The following SULT6B1 variants were observed in gnomAD, a reference collection of about 807,000 sequenced individuals.
SULT6B1 encodes sulfotransferase 6B1.
SULT6B1 carries 44 observed loss-of-function variants against 37.2 expected under a neutral mutation model. The observed-to-expected ratio is 1.18, with a 90% CI of 0.93 to 1.52. The LOEUF is 1.52. SULT6B1 is among the 40% of genes most tolerant of loss of function. The probability of loss-of-function intolerance (pLI) is 0.00; values close to 1 mark genes in which losing one functional copy is unlikely to be tolerated. For synonymous variants in SULT6B1, 140 were observed against 126.0 expected (o/e 1.11, Z -0.74); for missense variants, 450 against 361.0 (o/e 1.25, Z -2.00).
intron 2 of SULT6B1, among the ~76,000 whole-genome samples, chr2:37,186,123 ATT>A (rs749994139): frequency 6.6e-6 from 1 of 152,086 alleles, no homozygotes; most frequent in Non-Finnish European, 1.5e-5. Context: ...TCAAGTTTGT[ATT>A]TGTCATCATG....
intron 4 of SULT6B1, among the ~76,000 whole-genome samples, chr2:37,176,008 T>G (rs1006251343): frequency 2.6e-5 from 4 of 152,230 alleles, no homozygotes; most frequent in Non-Finnish European, 5.9e-5. Context: ...TTTAGTTCCT[T>G]GGCACCAGTC....
At chr2:37,188,372 C>T in intron 1 of SULT6B1, 70 bp downstream of exon 1, 2 of 1,362,858 alleles carry the variant, frequency 1.5e-6, no homozygotes, top group Non-Finnish European at 2.0e-6. Context: ...TTCATCCCAC[C>T]TTTGTCTCAT....
intron 1 of SULT6B1, among the ~76,000 whole-genome samples, chr2:37,194,894 TTCTTTCCTTCC>T (rs1676870990): frequency 1.3e-4 from 4 of 30,018 alleles, no homozygotes; most frequent in Non-Finnish European, 2.5e-4. Context: ...CCTTCCTTCC[TTCTTTCCTTCC>T]TTCCTTCCTT....
At position 37,188,417 on chromosome 2, in the gene SULT6B1, T is replaced by G. The variant is rs1258712107; in HGVS notation, c.199+25A>C. On this transcript the variant is annotated intron_variant, in intron 1 of 6. Coordinates refer to ENST00000535679, the MANE Select transcript of SULT6B1 (RefSeq NM_001367551.1). ...AACCTACTCACTATGAGAAGTGTACTTGTAGGAAACGACTTGTCATTTACC... is the reference window on the plus strand; with the variant it reads ...AACCTACTCACTATGAGAAGTGTACGTGTAGGAAACGACTTGTCATTTACC... The G allele has an allele frequency of 1.9e-6, 3 of 1,598,768 alleles. No individual in the cohort carries two copies. The South Asian group carries it at 3.3e-5, about 18-fold the overall frequency.
chr2:37,174,791 A>C (rs1444560911), intron 5 of SULT6B1, among the ~76,000 whole-genome samples: 1 of 73,260 alleles, frequency 1.4e-5, no homozygotes, highest in Non-Finnish European at 2.7e-5. Flanking sequence ...AATTTTTAAA[A>C]AATGACTGGA....
At position 37,167,925 on chromosome 2, in the gene SULT6B1, T is replaced by C. The variant is rs1676214710; in HGVS notation, c.*10A>G. On this transcript the variant is annotated 3_prime_UTR_variant, in exon 7 of 7. Coordinates refer to ENST00000535679, the MANE Select transcript of SULT6B1 (RefSeq NM_001367551.1). ...GGAAAATAAATCTAGGCCTGCTGAATTGACTGGAATCAACCCTGGCAATAT... is the reference window on the plus strand; with the variant it reads ...GGAAAATAAATCTAGGCCTGCTGAACTGACTGGAATCAACCCTGGCAATAT... 1.3e-6 allele frequency: 2 copies of C among 1,563,994 alleles called. No individual in the cohort carries two copies. The highest frequency in any genetic ancestry group is 2.5e-5 in the South Asian group (2 of 80,470).
At chr2:37,187,276 T>C (rs924266411) in intron 2 of SULT6B1, 79 bp downstream of exon 2, 31 of 990,452 alleles carry the variant, frequency 3.1e-5, no homozygotes, top group Non-Finnish European at 4.6e-5. Context: ...CTTTCTAAAC[T>C]GAAAACTAAA....
intron 2 of SULT6B1, 152 bp downstream of exon 2, chr2:37,187,203 T>G: frequency 1.9e-6 from 1 of 518,860 alleles, no homozygotes; most frequent in South Asian, 3.1e-5. Context: ...AATGAGATGA[T>G]ACCTGAACAG....
intron 2 of SULT6B1, among the ~76,000 whole-genome samples, chr2:37,184,851 A>G (rs1047144283): frequency 3.3e-5 from 5 of 152,082 alleles, no homozygotes; most frequent in African/African-American, 9.7e-5. Context: ...AAACAACAAA[A>G]CTTAGTGGAG....
intron 4 of SULT6B1, among the ~76,000 whole-genome samples, chr2:37,176,184 G>T (rs1676423260): frequency 6.6e-6 from 1 of 151,922 alleles, no homozygotes; most frequent in African/African-American, 2.4e-5. Flanking sequence ...TGTAAAATGG[G>T]GCGTTATGAG....
Position 37,187,844 on chromosome 2 carries a change from T to C in SULT6B1, c.200-377A>G, listed in dbSNP as rs1206594232. Among the ~76,000 whole-genome samples, 3 of 151,568 alleles carry C rather than the reference T, an allele frequency of 2.0e-5. No individual in the cohort carries two copies. The East Asian group carries it at 5.8e-4, about 29-fold the overall frequency. On this transcript the variant is annotated intron_variant, in intron 1 of 6. Coordinates refer to ENST00000535679, the MANE Select transcript of SULT6B1 (RefSeq NM_001367551.1). ...ACAGGAATCTATAATTTTGATTTTA[T>C]GAAAACACAGCATCAGTTAAGAAAA...
chr2:37,167,980 G>C lies in SULT6B1; in HGVS notation c.867C>G (p.Thr289=). The C allele has an allele frequency of 6.2e-7, 1 of 1,600,044 alleles. No homozygotes were observed. Among genetic ancestry groups the C allele is most frequent in the South Asian group, 1.1e-5 (1 of 88,094 alleles). Residue 289 remains threonine (T), a synonymous_variant, in exon 7 of 7, where the codon ACC becomes ACG. Coordinates refer to ENST00000535679, the MANE Select transcript of SULT6B1 (RefSeq NM_001367551.1). ...DEKFKECLAG[T]SLGAKLKYES... is the part of the protein sequence containing the mutation. ...CATACTTCAACTTTGCTCCGAGGGAGGTGCCTGCTAAGCACTCTTTGAATT... is the reference window on the plus strand; with the variant it reads ...CATACTTCAACTTTGCTCCGAGGGACGTGCCTGCTAAGCACTCTTTGAATT...
chr2:37,194,918 T>G (rs1298879188), intron 1 of SULT6B1, among the ~76,000 whole-genome samples: 2 of 40,532 alleles, frequency 4.9e-5, no homozygotes, highest in Non-Finnish European at 8.0e-5. Flanking sequence ...CCTTCCTTCC[T>G]TCCTTCCTTC....
At chr2:37,175,798 G>T (rs1572457684) in intron 4 of SULT6B1, among the ~76,000 whole-genome samples, 1 of 152,128 alleles carries the variant, frequency 6.6e-6, no homozygotes, top group African/African-American at 2.4e-5. Flanking sequence ...CATGGAGTAT[G>T]AGACATATAC....
intron 6 of SULT6B1, among the ~76,000 whole-genome samples, chr2:37,170,490 A>T (rs1338435256): frequency 6.8e-6 from 1 of 146,316 alleles, no homozygotes; most frequent in Admixed American, 6.8e-5. Flanking sequence ...AAAATAAATA[A>T]GAGAGAGGAA....
upstream of SULT6B1, among the ~76,000 whole-genome samples, chr2:37,190,853 G>C (rs372369471): frequency 1.7e-4 from 26 of 152,216 alleles, no homozygotes; most frequent in East Asian, 3.3e-3. Flanking sequence ...AATGGTAGTG[G>C]AGAAAATGTT....
intron 4 of SULT6B1, among the ~76,000 whole-genome samples, chr2:37,178,239 A>T (rs1400297225): frequency 2.0e-5 from 3 of 151,164 alleles, no homozygotes; most frequent in Non-Finnish European, 4.4e-5. Context: ...TTTATTTTTT[A>T]TTTTATTTTA....
At chr2:37,185,938 C>A (rs1558451286) in intron 2 of SULT6B1, among the ~76,000 whole-genome samples, 2 of 152,134 alleles carry the variant, frequency 1.3e-5, no homozygotes, top group Admixed American at 1.3e-4. Flanking sequence ...TCAGCTGAGC[C>A]TTCATCAGGT....
At chr2:37,172,848 G>C (rs1211182820) in intron 5 of SULT6B1, among the ~76,000 whole-genome samples, 1 of 100,154 alleles carries the variant, frequency 1.0e-5, no homozygotes, top group East Asian at 3.8e-4. Flanking sequence ...GTTTGTTTTT[G>C]GTTTTTCGTT....
Sources: allele counts gnomAD v4.1 joint callset (sites outside exome capture counted in the v4.1 genomes callset), GRCh38; gene constraint gnomAD v4.1.1; transcripts MANE v1.5; gene names NCBI Gene and HGNC (gene_info 2026-07-23, HGNC 2026-07-21).